Variants in RAD51B observed in about 807,000 individuals in gnomAD.
RAD51B encodes RAD51 paralog B, also known as DNA repair protein RAD51 homolog 2.
RAD51B carries 38 observed loss-of-function variants against 42.2 expected under a neutral mutation model. The observed-to-expected ratio is 0.90, with a 90% CI of 0.70 to 1.18. The LOEUF is 1.18. Ranked by LOEUF, RAD51B falls within the 50% of genes most tolerant of loss-of-function variation. The pLI is 0.00. For missense variants in RAD51B, 373 were observed against 400.7 expected (o/e 0.93, Z 0.59); for synonymous variants, 154 against 145.2 (o/e 1.06, Z -0.43).
intron 7 of RAD51B, among the ~76,000 whole-genome samples, chr14:67,934,214 G>A (rs955066366): frequency 6.6e-6 from 1 of 152,180 alleles, no homozygotes; most frequent in African/African-American, 2.4e-5. Flanking sequence ...ATACTCCATT[G>A]CTCACTAGGA....
intron 7 of RAD51B, among the ~76,000 whole-genome samples, chr14:67,983,376 A>G (rs1292155168): frequency 6.6e-6 from 1 of 152,188 alleles, no homozygotes; most frequent in Admixed American, 6.5e-5. Flanking sequence ...TTTTGCTGCT[A>G]TTGACATAAG....
chr14:68,202,036 AT>A (rs1330388261), intron 7 of RAD51B, among the ~76,000 whole-genome samples: 1 of 152,148 alleles, frequency 6.6e-6, no homozygotes, highest in Non-Finnish European at 1.5e-5. Flanking sequence ...TACTCACACA[AT>A]TTTTTTGGTT....
At chr14:68,235,109 A>T (rs1364162702) in intron 7 of RAD51B, among the ~76,000 whole-genome samples, 1 of 152,122 alleles carries the variant, frequency 6.6e-6, no homozygotes, top group Admixed American at 6.6e-5. Flanking sequence ...TAACATAGTC[A>T]TTTATTATCA....
intron 7 of RAD51B, among the ~76,000 whole-genome samples, chr14:68,135,882 T>C (rs543449562): frequency 2.0e-3 from 297 of 152,306 alleles, no homozygotes; most frequent in African/African-American, 3.7e-3. Context: ...AGATTCTAAA[T>C]ATGAGATTCC....
At chr14:68,017,970 GAATA>G (rs148672009) in intron 7 of RAD51B, among the ~76,000 whole-genome samples, 2,459 of 149,424 alleles carry the variant, frequency 0.016, 62 homozygotes, top group African/African-American at 0.056. Flanking sequence ...ACTCCGTCTC[GAATA>G]AATAAATAAA....
chr14:68,543,174 A>C (rs796489664), intron 10 of RAD51B, among the ~76,000 whole-genome samples: 1 of 152,204 alleles, frequency 6.6e-6, no homozygotes, highest in South Asian at 2.1e-4. Flanking sequence ...TATGTAAACA[A>C]ATAAGCATGG....
chr14:68,145,233 A>G (rs1286571978), intron 7 of RAD51B, among the ~76,000 whole-genome samples: 5 of 152,334 alleles, frequency 3.3e-5, no homozygotes, highest in East Asian at 1.9e-4. Context: ...TTTCCATTAT[A>G]ACACCTGTGC....
At chr14:68,019,665 T>C (rs2075832276) in intron 7 of RAD51B, among the ~76,000 whole-genome samples, 1 of 152,190 alleles carries the variant, frequency 6.6e-6, no homozygotes, top group Admixed American at 6.5e-5. Context: ...GTATATGTGG[T>C]GCAGGAGTGG....
At chr14:68,187,126 T>C (rs2079173919) in intron 7 of RAD51B, among the ~76,000 whole-genome samples, 1 of 152,136 alleles carries the variant, frequency 6.6e-6, no homozygotes, top group African/African-American at 2.4e-5. Context: ...ATACCGCACA[T>C]TCTCACTTAT....
intron 9 of RAD51B, among the ~76,000 whole-genome samples, chr14:68,425,012 T>C (rs2084799128): frequency 6.6e-6 from 1 of 152,214 alleles, no homozygotes; most frequent in African/African-American, 2.4e-5. Context: ...TGGTTTCATG[T>C]AATCCTCCTG....
chr14:68,123,615 C>T (rs2077696503), intron 7 of RAD51B, among the ~76,000 whole-genome samples: 1 of 152,150 alleles, frequency 6.6e-6, no homozygotes, highest in South Asian at 2.1e-4. Context: ...CAAGAGCAGT[C>T]TGGCCAACGT....
chr14:68,333,162 G>A (rs2082382294), intron 8 of RAD51B, among the ~76,000 whole-genome samples: 1 of 152,136 alleles, frequency 6.6e-6, no homozygotes, highest in Non-Finnish European at 1.5e-5. Flanking sequence ...CCCAGTTGGG[G>A]CCATCCCGGG....
At chr14:68,611,680 C>A, downstream of RAD51B, 1 of 250,278 alleles carries the variant, frequency 4.0e-6, no homozygotes, top group Non-Finnish European at 7.8e-6. Context: ...CAGGCAGTCT[C>A]AAATGGGAAT....
chr14:67,847,348 T>C (rs1162398981), intron 4 of RAD51B, among the ~76,000 whole-genome samples: 14 of 121,072 alleles, frequency 1.2e-4, no homozygotes, highest in African/African-American at 4.0e-4. Flanking sequence ...TTTTTTTTTT[T>C]CTAATTCCAT....
chr14:67,973,433 A>T (rs73282485), intron 7 of RAD51B, among the ~76,000 whole-genome samples: 14,825 of 152,152 alleles, frequency 0.097, 1,997 homozygotes, highest in African/African-American at 0.3. Flanking sequence ...ACAAAAAACT[A>T]TGTCTAAACT....
chr14:68,057,644 CTCTT>C (rs2076498537), intron 7 of RAD51B, among the ~76,000 whole-genome samples: 1 of 152,004 alleles, frequency 6.6e-6, no homozygotes, highest in Non-Finnish European at 1.5e-5. Flanking sequence ...CTTTCAGAAT[CTCTT>C]AGCTTTTTTT....
intron 7 of RAD51B, among the ~76,000 whole-genome samples, chr14:68,162,069 C>CT (rs1466962318): frequency 1.3e-5 from 2 of 152,092 alleles, no homozygotes; most frequent in Non-Finnish European, 2.9e-5. Context: ...AGAAACCCTG[C>CT]TTTTTAGGTT....
intron 5 of RAD51B, among the ~76,000 whole-genome samples, chr14:67,885,471 A>G (rs533810718): frequency 1.3e-5 from 2 of 152,354 alleles, no homozygotes; most frequent in South Asian, 2.1e-4. Context: ...ACTGATATCT[A>G]TTATAATACA....
At chr14:68,458,552 G>A (rs2085762030) in intron 9 of RAD51B, among the ~76,000 whole-genome samples, 1 of 151,846 alleles carries the variant, frequency 6.6e-6, no homozygotes, top group African/African-American at 2.4e-5. Context: ...TAAACATTTT[G>A]AAAACAATCA....
Sources: gnomAD v4.1 joint callset for allele counts (sites outside exome capture counted in the v4.1 genomes callset) on GRCh38, gnomAD v4.1.1 for gene constraint, MANE v1.5 for transcripts, NCBI Gene and HGNC (gene_info 2026-07-23, HGNC 2026-07-21) for gene names.